Variants in PCNX2 observed in about 807,000 individuals in gnomAD.
PCNX2 encodes the protein pecanex-like protein 2.
Under a neutral mutation model 223.8 loss-of-function variants are expected in PCNX2, and 168 were observed. The ratio of observed to expected loss-of-function variants is 0.75; its 90% CI spans 0.66 to 0.85. The LOEUF (loss-of-function observed/expected upper bound fraction) is 0.85. Ranked by LOEUF, PCNX2 falls within the 40% of genes least tolerant of loss-of-function variation. The pLI, the probability that PCNX2 is intolerant of heterozygous loss-of-function variation, is 0.00. For synonymous variants in PCNX2, 1,006 were observed against 1,052.6 expected (o/e 0.96, Z 0.86); for missense variants, 2,507 against 2,675.5 (o/e 0.94, Z 1.39).
rs372482513 is a variant in PCNX2 at position 233,007,862 on chromosome 1, A to G, written c.4953-6181T>C. Among the ~76,000 whole-genome samples the G allele has an allele frequency of 1.8e-4, 28 of 151,512 alleles. No homozygotes were observed. In the South Asian group the frequency reaches 5.2e-3, roughly 28 times the overall value. On this transcript the variant is annotated intron_variant, in intron 28 of 33. Transcript: ENST00000258229. ...GGCTATTTTTTTTTGTATTTTTAGT[A>G]GAGACAGGGTTTCACCACATTGGCC...
At chr1:233,182,839 G>A (rs1016808945) in intron 15 of PCNX2, among the ~76,000 whole-genome samples, 4 of 152,086 alleles carry the variant, frequency 2.6e-5, no homozygotes, top group African/African-American at 9.7e-5. Flanking sequence ...TTCCCAGGCA[G>A]AACAGAATCC....
At chr1:233,232,866 AATG>A in intron 9 of PCNX2, 1 of 985,240 alleles carries the variant, frequency 1.0e-6, no homozygotes, top group Middle Eastern at 5.2e-4. Context: ...TGCTATCCAT[AATG>A]ATAATAATAA....
chr1:233,295,320 A>C lies in PCNX2; in HGVS notation c.153+6T>G. 1 of 1,574,362 alleles carries C rather than the reference A, an allele frequency of 6.4e-7. No homozygotes were observed. Among genetic ancestry groups the C allele is most frequent in the Non-Finnish European group, 8.6e-7 (1 of 1,159,958 alleles). On this transcript the variant is annotated splice_donor_region_variant and intron_variant, in intron 1 of 33. Transcript: ENST00000258229. This position sits in a 1 kb window ranked among gnomAD's most constrained non-coding sequence, Gnocchi z 4.1. ...AGCTCCCCGGGACCGGACCCTCCCC[A>C]CTCACCAGGTGCAGGGCCAGGGGCA...
chr1:233,290,860 C>T, intron 1 of PCNX2: 3 of 985,368 alleles, frequency 3.0e-6, no homozygotes, highest in Non-Finnish European at 3.6e-6. Flanking sequence ...GCTTTCTGTC[C>T]ACAAGCGGGG....
chr1:233,054,321 A>G lies in PCNX2; in HGVS notation c.4298T>C (p.Ile1433Thr), dbSNP rs376583507. The G allele has an allele frequency of 1.1e-5, 18 of 1,613,850 alleles. No individual in the cohort carries two copies. The highest frequency in any genetic ancestry group is 6.7e-5 in the African/African-American group (5 of 74,938). The change falls in exon 25 of 34, where the codon ATT (isoleucine) becomes ACT (threonine). Residue 1433 changes from isoleucine to threonine, a missense_variant. This residue lies in a region of PCNX2 where 1,372 missense variants were observed against 1,509.4 expected (regional missense o/e 0.91). Transcript: ENST00000258229. ...GGTGACAAGACCATTTCCAATTTCA[A>G]TCAGGTGAACAAAGGCATTGAGGTC... is the stretch of plus-strand genomic sequence containing the variant. Reference protein sequence around the residue: ...SDDLNAFVHLIEIGNGLVTFQ... With the variant: ...SDDLNAFVHLTEIGNGLVTFQ...
intron 32 of PCNX2, among the ~76,000 whole-genome samples, chr1:232,997,948 C>T (rs764929161): frequency 6.6e-6 from 1 of 152,156 alleles, no homozygotes; most frequent in Non-Finnish European, 1.5e-5. Flanking sequence ...GGCACACCAT[C>T]AAACGGTCAT....
intron 16 of PCNX2, 51 bp downstream of exon 16, chr1:233,179,015 G>A (rs1220982167): frequency 7.2e-6 from 11 of 1,535,408 alleles, no homozygotes; most frequent in African/African-American, 1.4e-5. Context: ...AAAGCTGCAG[G>A]AACTATGCCC....
At chr1:233,114,322 C>A (rs1385951962) in intron 21 of PCNX2, among the ~76,000 whole-genome samples, 2 of 152,106 alleles carry the variant, frequency 1.3e-5, no homozygotes, top group East Asian at 3.9e-4. Context: ...GGAAACAGAG[C>A]GTGGAGTCTC....
intron 21 of PCNX2, among the ~76,000 whole-genome samples, chr1:233,104,153 T>G (rs1007993867): frequency 6.6e-6 from 1 of 151,872 alleles, no homozygotes; most frequent in African/African-American, 2.4e-5. Flanking sequence ...ATCATGAACA[T>G]AAAGCCAACA....
At chr1:233,121,034 G>A (rs1156732161) in intron 21 of PCNX2, among the ~76,000 whole-genome samples, 2 of 150,728 alleles carry the variant, frequency 1.3e-5, no homozygotes, top group East Asian at 1.9e-4. Context: ...TGCCAGCAAG[G>A]AACAATTGGA....
At chr1:233,047,537 A>G (rs1156949308) in intron 25 of PCNX2, 1 of 334,982 alleles carries the variant, frequency 3.0e-6, no homozygotes. Flanking sequence ...TTTCATCAAA[A>G]AAGGAGCAGG....
At chr1:233,322,790 G>C in the PCNX2 span, among the ~76,000 whole-genome samples, 157 of 151,582 alleles carry the variant, frequency 1.0e-3, no homozygotes, top group South Asian at 1.9e-3. Context: ...CCCCACCCTT[G>C]ATCTCTGCAT....
At chr1:232,992,876 CATG>C (rs1163680682) in intron 32 of PCNX2, among the ~76,000 whole-genome samples, 7 of 152,196 alleles carry the variant, frequency 4.6e-5, no homozygotes, top group African/African-American at 1.4e-4. Context: ...CTCCTGCTGC[CATG>C]TAAGACACAC....
intron 1 of PCNX2, among the ~76,000 whole-genome samples, chr1:233,281,472 C>T (rs891444924): frequency 2.6e-5 from 4 of 152,272 alleles, no homozygotes; most frequent in Middle Eastern, 3.4e-3. Flanking sequence ...CAGTCCAAAG[C>T]TTCTATATTT....
At chr1:233,270,668 A>C (rs1660596034) in intron 1 of PCNX2, among the ~76,000 whole-genome samples, 1 of 152,226 alleles carries the variant, frequency 6.6e-6, no homozygotes, top group Non-Finnish European at 1.5e-5. Flanking sequence ...ACTTTGTCTT[A>C]GGCCTGCTAT....
intron 21 of PCNX2, among the ~76,000 whole-genome samples, chr1:233,098,798 C>G (rs67687360): frequency 0.17 from 26,584 of 152,094 alleles, 2,433 homozygotes; most frequent in East Asian, 0.25. Context: ...TTGAATCCCA[C>G]CTCTACCTCT....
chr1:233,265,816 A>G (rs1660301607), intron 1 of PCNX2, among the ~76,000 whole-genome samples: 1 of 152,240 alleles, frequency 6.6e-6, no homozygotes, highest in Non-Finnish European at 1.5e-5. Flanking sequence ...GAAGAAGAGT[A>G]AGAGATAAAA....
intron 32 of PCNX2, 38 bp downstream of exon 32, chr1:232,998,213 G>C: frequency 6.7e-7 from 1 of 1,481,824 alleles, no homozygotes; most frequent in Non-Finnish European, 8.9e-7. Context: ...GACCAAATAG[G>C]ACTTCATCGA....
At chr1:233,162,883 A>G (rs547332748) in intron 17 of PCNX2, among the ~76,000 whole-genome samples, 3 of 152,328 alleles carry the variant, frequency 2.0e-5, no homozygotes, top group South Asian at 4.1e-4. Context: ...ATCTTTGTCT[A>G]AAAGGAAAAC....
Sources: allele counts gnomAD v4.1 joint callset (sites outside exome capture counted in the v4.1 genomes callset), GRCh38; gene constraint gnomAD v4.1.1; regional missense constraint gnomAD v4.1.1; non-coding constraint Gnocchi (gnomAD v3.1); transcripts MANE v1.5; gene names NCBI Gene and HGNC (gene_info 2026-07-23, HGNC 2026-07-21).